The following CENPC variants were observed in gnomAD, a reference collection of about 807,000 sequenced individuals.
CENPC encodes CENP-C 1.
A neutral mutation model predicts 112.1 loss-of-function variants in CENPC; 63 were observed. The observed-to-expected ratio is 0.56, with a 90% CI of 0.46 to 0.69. CENPC has a LOEUF of 0.69. Among genes scored for constraint, CENPC ranks in the 30% least tolerant of loss-of-function variants. The probability of loss-of-function intolerance (pLI) is 0.00; values close to 1 mark genes in which losing one functional copy is unlikely to be tolerated. For synonymous variants in CENPC, 333 were observed against 367.6 expected (o/e 0.91, Z 1.08); for missense variants, 1,000 against 1,103.8 (o/e 0.91, Z 1.33).
chr4:67,497,105 C>T (rs113027080), intron 12 of CENPC, among the ~76,000 whole-genome samples: 36,921 of 151,834 alleles, frequency 0.24, 4,898 homozygotes, highest in Non-Finnish European at 0.3. Context: ...GGCGGCCAGG[C>T]GCAGTGGCTC....
chr4:67,543,362 G>C (rs1726941220), intron 2 of CENPC, among the ~76,000 whole-genome samples: 1 of 152,020 alleles, frequency 6.6e-6, no homozygotes, highest in Non-Finnish European at 1.5e-5. Context: ...ACCTGTTCAA[G>C]GTCCACCAAA....
chr4:67,493,928 T>C lies in CENPC; in HGVS notation c.2246A>G (p.Glu749Gly). The change falls in exon 14 of 19, where the codon GAG (glutamate) becomes GGG (glycine). Residue 749 changes from glutamate to glycine, a missense_variant. By Grantham distance (98) the Glu-to-Gly change is moderately conservative. Transcript: ENST00000273853. ...ATCTATTCGCTCTCCTCGCCAGTAC[T>C]CCAAAGGTTTCAAACGTGTTCTCTT... ...RTKRTRLKPL[E>G]YWRGERIDYQ... 1.2e-6 allele frequency: 2 copies of C among 1,613,060 alleles called. No individual in the cohort carries two copies. The highest frequency in any genetic ancestry group is 1.7e-6 in the Non-Finnish European group (2 of 1,179,480).
At chr4:67,525,127 C>A (rs1264396826) in intron 5 of CENPC, among the ~76,000 whole-genome samples, 1 of 152,126 alleles carries the variant, frequency 6.6e-6, no homozygotes, top group Non-Finnish European at 1.5e-5. Flanking sequence ...TAGCCATATG[C>A]AGAAAACTGA....
intron 5 of CENPC, among the ~76,000 whole-genome samples, chr4:67,524,135 C>G (rs1413685029): frequency 2.0e-5 from 3 of 151,726 alleles, no homozygotes; most frequent in Middle Eastern, 3.4e-3. Context: ...AAATGATAAA[C>G]CTCTATCTAA....
intron 17 of CENPC, among the ~76,000 whole-genome samples, chr4:67,482,635 G>T (rs1724985752): frequency 6.6e-6 from 1 of 152,164 alleles, no homozygotes; most frequent in Admixed American, 6.5e-5. Context: ...TTCTAATAAA[G>T]TAACCCAGGA....
chr4:67,474,305 T>C (rs1724747157), intron 18 of CENPC, among the ~76,000 whole-genome samples: 1 of 152,126 alleles, frequency 6.6e-6, no homozygotes, highest in Admixed American at 6.5e-5. Context: ...GTCCTTGTGA[T>C]TTGCCCACTT....
At chr4:67,491,511 A>AGAGAGGGAGG (rs1553893237) in intron 16 of CENPC, among the ~76,000 whole-genome samples, 1 of 114,584 alleles carries the variant, frequency 8.7e-6, no homozygotes, top group East Asian at 5.6e-4. Flanking sequence ...AGAGAGAGAG[A>AGAGAGGGAGG]GAGAGAGAGA....
intron 16 of CENPC, among the ~76,000 whole-genome samples, chr4:67,490,837 A>ATATATATATAT (rs1725229383): frequency 1.8e-5 from 1 of 57,110 alleles, no homozygotes; most frequent in African/African-American, 5.9e-5. Flanking sequence ...TATAGAAATA[A>ATATATATATAT]ATATATATAT....
At chr4:67,484,195 A>G (rs1317143082) in intron 17 of CENPC, among the ~76,000 whole-genome samples, 2 of 152,190 alleles carry the variant, frequency 1.3e-5, no homozygotes, top group Non-Finnish European at 2.9e-5. Context: ...ACAACTGTCT[A>G]CAGTATTCAG....
At position 67,474,837 on chromosome 4, in the gene CENPC, T is replaced by G. The variant is rs960244514; in HGVS notation, c.2761+51A>C. ...ACCACTGTGGCTTCCATTTCCATAG[T>G]GCCCAAAAACAACTATATACATGTT... is the stretch of plus-strand genomic sequence containing the variant. On this transcript the variant is annotated intron_variant, in intron 18 of 18. Transcript: ENST00000273853. 3.8e-6 allele frequency: 4 copies of G among 1,061,886 alleles called. No individual in the cohort carries two copies. The African/African-American group carries it at 6.3e-5, about 17-fold the overall frequency. The allele number at this position is 1,061,886 out of a possible 1,614,324, so 65.8% of individuals were successfully genotyped here. A position where few individuals can be genotyped will look rare whatever the true frequency, so the allele number is the denominator to read the frequency against.
intron 6 of CENPC, among the ~76,000 whole-genome samples, chr4:67,518,670 A>G (rs1726130810): frequency 6.6e-6 from 1 of 152,208 alleles, no homozygotes; most frequent in South Asian, 2.1e-4. Flanking sequence ...GTGACAGACC[A>G]AACTTTGAAT....
rs750386572 is a variant in CENPC, at chr4:67,541,049, C to A, written c.67G>T (p.Ala23Ser). 1.9e-6 allele frequency: 3 copies of A among 1,601,310 alleles called. No individual in the cohort carries two copies. The highest frequency in any genetic ancestry group is 2.3e-5 in the South Asian group (2 of 88,410). Reference protein sequence around the residue: ...YRRRFCRPSRARDINTEQGQN... With the variant: ...YRRRFCRPSRSRDINTEQGQN... ...CCTTGCTCTGTGTTAATGTCACGTG[C>A]CCTAATAAAGGAAAAATACAGCCTG... The change falls in exon 3 of 19, where the codon GCA (alanine) becomes TCA (serine). Residue 23 changes from alanine (A) to serine (S), a missense_variant and splice_region_variant. By Grantham distance (99) the Ala-to-Ser change is moderately conservative. Transcript: ENST00000273853.
chr4:67,499,142 A>C (rs113767873), intron 12 of CENPC, among the ~76,000 whole-genome samples: 1 of 152,200 alleles, frequency 6.6e-6, no homozygotes, highest in Non-Finnish European at 1.5e-5. Flanking sequence ...AGAGCAAAGT[A>C]GATTTAGCAT....
At chr4:67,480,630 A>G (rs1265664371) in intron 17 of CENPC, among the ~76,000 whole-genome samples, 1 of 152,252 alleles carries the variant, frequency 6.6e-6, no homozygotes, top group Non-Finnish European at 1.5e-5. Context: ...CAAAAGACAG[A>G]GAGGAGTCAA....
At chr4:67,533,051 G>C (rs1726605302) in intron 4 of CENPC, among the ~76,000 whole-genome samples, 1 of 152,164 alleles carries the variant, frequency 6.6e-6, no homozygotes, top group Non-Finnish European at 1.5e-5. Context: ...TATCAGCACA[G>C]TAGAGAAATA....
At position 67,518,101 on chromosome 4, in the gene CENPC, G is replaced by T. The variant is rs1577995532; in HGVS notation, c.830+55C>A. ...AATAGCATTAGGAATCCTTATATAT[G>T]GTTCATAGAATATAAAAGAAAAATG... On this transcript the variant is annotated intron_variant, in intron 7 of 18. Coordinates refer to ENST00000273853, the MANE Select transcript of CENPC (RefSeq NM_001812.4). The T allele has an allele frequency of 4.2e-6, 4 of 949,022 alleles. No individual in the cohort carries two copies. In the East Asian group the frequency reaches 1.1e-4, roughly 26 times the overall value. The allele number at this position is 949,022 out of a possible 1,614,324, so 58.8% of individuals were successfully genotyped here.
At chr4:67,524,471 G>C in intron 5 of CENPC, among the ~76,000 whole-genome samples, 1 of 152,170 alleles carries the variant, frequency 6.6e-6, no homozygotes, top group East Asian at 1.9e-4. Flanking sequence ...AAGCTCATAA[G>C]TAACCTCAGC....
At position 67,476,457 on chromosome 4, in the gene CENPC, C is replaced by G. The variant is rs192803243; in HGVS notation, c.2671-1479G>C. Among the ~76,000 whole-genome samples the G allele has an allele frequency of 2.4e-3, 364 of 151,160 alleles. 2 individuals are homozygous for G. Among genetic ancestry groups the G allele is most frequent in the African/African-American group, 8.4e-3 (343 of 41,046 alleles). ...CTAGAGCTGAAACGAATTGAGAGAG[C>G]CAAGGGAAATATAATAGTAGAAGCA... On this transcript the variant is annotated intron_variant, in intron 17 of 18. Transcript: ENST00000273853.
chr4:67,540,185 A>T (rs1296079999), intron 3 of CENPC, among the ~76,000 whole-genome samples: 1 of 152,154 alleles, frequency 6.6e-6, no homozygotes, highest in African/African-American at 2.4e-5. Flanking sequence ...TATAGAAAAC[A>T]TTCTTTTCTA....
Sources: gnomAD v4.1 joint callset for allele counts (sites outside exome capture counted in the v4.1 genomes callset) on GRCh38, gnomAD v4.1.1 for gene constraint, MANE v1.5 for transcripts, NCBI Gene and HGNC (gene_info 2026-07-23, HGNC 2026-07-21) for gene names.